FBXW7: variants seen among roughly 807,000 people sequenced by gnomAD.
FBXW7 encodes F-box and WD repeat domain containing 7.
In FBXW7, 11 loss-of-function variants were observed where a neutral mutation model predicts 86.3. That is an observed-to-expected ratio of 0.13 (90% CI 0.08 to 0.21). The LOEUF is 0.21. Ranked by LOEUF, FBXW7 falls within the 10% of genes least tolerant of loss-of-function variation. FBXW7 has a pLI of 1.00. For missense variants in FBXW7, 488 were observed against 847.4 expected (o/e 0.58, Z 5.27); for synonymous variants, 313 against 297.9 (o/e 1.05, Z -0.52).
chr4:152,358,846 GA>G (rs1458828265), intron 4 of FBXW7, among the ~76,000 whole-genome samples: 2 of 152,156 alleles, frequency 1.3e-5, no homozygotes, highest in Non-Finnish European at 2.9e-5. Flanking sequence ...TAACAGGTGG[GA>G]AAAGTAGGTA....
intron 2 of FBXW7, among the ~76,000 whole-genome samples, chr4:152,464,909 G>A (rs1318858034): frequency 6.6e-6 from 1 of 152,188 alleles, no homozygotes; most frequent in East Asian, 1.9e-4. Flanking sequence ...CAGTATTACT[G>A]TTCAATGATT....
chr4:152,529,037 G>A (rs539780580), intron 2 of FBXW7, among the ~76,000 whole-genome samples: 1 of 152,060 alleles, frequency 6.6e-6, no homozygotes, highest in South Asian at 2.1e-4. Context: ...TTATTTAACA[G>A]CAACTTTACT....
chr4:152,430,894 C>A (rs1218321722), intron 2 of FBXW7, among the ~76,000 whole-genome samples: 1 of 151,670 alleles, frequency 6.6e-6, no homozygotes, highest in Non-Finnish European at 1.5e-5. Flanking sequence ...AGGGTATATA[C>A]CTTTGGTCAG....
At chr4:152,331,811 C>A (rs1025858200) in intron 8 of FBXW7, among the ~76,000 whole-genome samples, 23 of 152,066 alleles carry the variant, frequency 1.5e-4, no homozygotes, top group African/African-American at 5.6e-4. Context: ...ATTAATTCCA[C>A]TTTATGTATG....
chr4:152,359,054 T>C (rs904706521), intron 4 of FBXW7, among the ~76,000 whole-genome samples: 2 of 152,210 alleles, frequency 1.3e-5, no homozygotes, highest in Non-Finnish European at 2.9e-5. Flanking sequence ...CAAGTAAATC[T>C]TGATTATTCA....
chr4:152,443,229 T>A (rs1741071227), intron 2 of FBXW7, among the ~76,000 whole-genome samples: 1 of 152,062 alleles, frequency 6.6e-6, no homozygotes, highest in South Asian at 2.1e-4. Context: ...ACCATTGCAC[T>A]CCAGCCTGGG....
chr4:152,475,874 T>C (rs1744350810), intron 2 of FBXW7, among the ~76,000 whole-genome samples: 1 of 152,210 alleles, frequency 6.6e-6, no homozygotes, highest in Non-Finnish European at 1.5e-5. Flanking sequence ...ACTATATTCA[T>C]GGATTGGAAG....
At chr4:152,407,367 T>C (rs896845539) in intron 4 of FBXW7, among the ~76,000 whole-genome samples, 1 of 152,216 alleles carries the variant, frequency 6.6e-6, no homozygotes, top group Non-Finnish European at 1.5e-5. Context: ...TTATTCAAGA[T>C]GACTGCCTTA....
chr4:152,392,953 G>A (rs1176522523), intron 4 of FBXW7, among the ~76,000 whole-genome samples: 3 of 152,112 alleles, frequency 2.0e-5, no homozygotes, highest in African/African-American at 7.2e-5. Flanking sequence ...TTGATGTTAT[G>A]ACCAAGAAAG....
At chr4:152,348,253 C>T (rs549121098) in intron 5 of FBXW7, among the ~76,000 whole-genome samples, 16 of 151,886 alleles carry the variant, frequency 1.1e-4, no homozygotes, top group Admixed American at 6.6e-4. Flanking sequence ...TAGTATAAAT[C>T]GAAGACAATC....
chr4:152,328,237 A>T lies in FBXW7; in HGVS notation c.1389T>A (p.Thr463=), dbSNP rs778655350. The change falls in exon 11 of 14, where the codon ACT becomes ACA. Residue 463 remains threonine, a synonymous_variant. Transcript: ENST00000281708. ...TTTCATGAAGATGCATACAACGCAC[A>T]GTGGAAGTATGCCCATATAAGGTGT... ...CIHTLYGHTS[T]VRCMHLHEKR... The T allele has an allele frequency of 3.8e-6, 6 of 1,595,052 alleles. No homozygotes were observed. In the South Asian group the frequency reaches 6.9e-5, roughly 18 times the overall value.
At chr4:152,333,027 A>T (rs897106870) in intron 7 of FBXW7, among the ~76,000 whole-genome samples, 2 of 152,108 alleles carry the variant, frequency 1.3e-5, no homozygotes, top group African/African-American at 4.8e-5. Context: ...TTTAAAAAAA[A>T]TGTTATTAGT....
intron 2 of FBXW7, among the ~76,000 whole-genome samples, chr4:152,504,385 T>C (rs937730248): frequency 6.6e-6 from 1 of 152,104 alleles, no homozygotes; most frequent in Non-Finnish European, 1.5e-5. Flanking sequence ...GCTGCAAAAA[T>C]TACAAAAAAA....
chr4:152,354,501 G>C (rs1482731639), intron 4 of FBXW7, among the ~76,000 whole-genome samples: 1 of 152,176 alleles, frequency 6.6e-6, no homozygotes. Context: ...GTGGTAACAA[G>C]TTTTCCATAA....
chr4:152,452,366 G>C (rs916632628), intron 2 of FBXW7, among the ~76,000 whole-genome samples: 1 of 152,102 alleles, frequency 6.6e-6, no homozygotes, highest in Non-Finnish European at 1.5e-5. Flanking sequence ...AAAATACAGC[G>C]TTGGTCATTA....
chr4:152,415,985 A>G (rs1738393331), intron 2 of FBXW7, among the ~76,000 whole-genome samples: 1 of 152,130 alleles, frequency 6.6e-6, no homozygotes, highest in African/African-American at 2.4e-5. Context: ...CCACAGCACT[A>G]TATAAAAGCA....
chr4:152,379,128 T>A (rs1272964789), intron 4 of FBXW7, among the ~76,000 whole-genome samples: 1 of 152,172 alleles, frequency 6.6e-6, no homozygotes, highest in Admixed American at 6.6e-5. Context: ...TCAAGATGTA[T>A]CCTTATTTCA....
chr4:152,402,619 A>C (rs979525563), intron 4 of FBXW7, among the ~76,000 whole-genome samples: 12 of 152,238 alleles, frequency 7.9e-5, no homozygotes, highest in Admixed American at 3.9e-4. Context: ...GCTGACTGAT[A>C]CAAGATTAAT....
chr4:152,535,864 G>A lies in FBXW7; in HGVS notation c.-950C>T. On this transcript the variant is annotated 5_prime_UTR_variant, in exon 1 of 14. Transcript: ENST00000281708. ...TCCGGCTCCGGCGTGTGCAGCCGCC[G>A]CTGCCGGCCGGGAAGGTGAGGGGGG... 5.2e-6 allele frequency: 2 copies of A among 381,026 alleles called. No homozygotes were observed. The highest frequency in any genetic ancestry group is 4.5e-5 in the Admixed American group (1 of 22,002). The allele number at this position is 381,026 out of a possible 1,614,324, so 23.6% of individuals were successfully genotyped here. A position where few individuals can be genotyped will look rare whatever the true frequency, so the allele number is the denominator to read the frequency against.
Sources: gnomAD v4.1 joint callset for allele counts (sites outside exome capture counted in the v4.1 genomes callset) on GRCh38, gnomAD v4.1.1 for gene constraint, MANE v1.5 for transcripts, NCBI Gene and HGNC (gene_info 2026-07-23, HGNC 2026-07-21) for gene names.